The following DIS3L variants were observed in gnomAD, a reference collection of about 807,000 sequenced individuals.
DIS3L encodes the protein DIS3 like exosome 3'-5' exoribonuclease.
Under a neutral mutation model 120.3 loss-of-function variants are expected in DIS3L, and 100 were observed. That is an observed-to-expected ratio of 0.83 (90% confidence interval 0.71 to 0.98). The LOEUF is 0.98. Among genes scored for constraint, DIS3L ranks in the 50% least tolerant of loss-of-function variants. The pLI, the probability that DIS3L is intolerant of heterozygous loss-of-function variation, is 0.00. For missense variants in DIS3L, 1,196 were observed against 1,314.2 expected, an observed-to-expected ratio of 0.91 and a Z score of 1.39; for synonymous variants, 426 against 470.6, an observed-to-expected ratio of 0.91 and a Z score of 1.23.
intron 11 of DIS3L, among the ~76,000 whole-genome samples, chr15:66,325,457 G>C (rs2092925753): frequency 6.6e-6 from 1 of 152,150 alleles, no homozygotes; most frequent in African/African-American, 2.4e-5. Flanking sequence ...TTTCAAATTT[G>C]TTCAGAGCTC....
chr15:66,311,718 A>G lies in DIS3L; in HGVS notation c.559-6A>G. ...CCGTGTTTCTCTGTGCCTTTATTAAATACAGAATTACCTGGACAATTTCTG... is the reference window on the plus strand; with the variant it reads ...CCGTGTTTCTCTGTGCCTTTATTAAGTACAGAATTACCTGGACAATTTCTG... On this transcript the variant is annotated splice_polypyrimidine_tract_variant and splice_region_variant and intron_variant, in intron 4 of 16. Coordinates refer to ENST00000319212, the MANE Select transcript of DIS3L (RefSeq NM_001143688.3). 6.2e-7 allele frequency: 1 copy of G among 1,613,856 alleles called. No homozygotes were observed. The highest frequency in any genetic ancestry group is 8.5e-7 in the Non-Finnish European group (1 of 1,179,924).
chr15:66,305,717 G>T (rs1180281172), intron 2 of DIS3L, among the ~76,000 whole-genome samples: 1 of 152,002 alleles, frequency 6.6e-6, no homozygotes, highest in Non-Finnish European at 1.5e-5. Flanking sequence ...TTTGTGTAAA[G>T]ATGGGGTCTT....
At chr15:66,314,918 G>C in intron 6 of DIS3L, 118 bp from the exon 7 acceptor site, 1 of 1,095,800 alleles carries the variant, frequency 9.1e-7, no homozygotes, top group South Asian at 1.9e-5. Context: ...CCTTTGAAAA[G>C]AAAAAGCTTT....
chr15:66,332,140 T>C, intron 15 of DIS3L, 120 bp downstream of exon 15: 11 of 1,022,272 alleles, frequency 1.1e-5, no homozygotes, highest in Non-Finnish European at 1.5e-5. Context: ...ATGTACATAA[T>C]GTAATGTATA....
At chr15:66,311,971 C>T in intron 5 of DIS3L, 71 bp downstream of exon 5, 1 of 1,554,970 alleles carries the variant, frequency 6.4e-7, no homozygotes, top group Non-Finnish European at 8.8e-7. Flanking sequence ...AGCACTTTGG[C>T]TAAGGCTGAT....
chr15:66,311,279 C>T (rs2092758634), intron 4 of DIS3L, among the ~76,000 whole-genome samples: 1 of 152,002 alleles, frequency 6.6e-6, no homozygotes, highest in African/African-American at 2.4e-5. Context: ...GGGAGGATTG[C>T]TTAAGGCAGG....
intron 2 of DIS3L, among the ~76,000 whole-genome samples, chr15:66,302,320 T>TCG (rs2092656933): frequency 6.6e-6 from 1 of 152,002 alleles, no homozygotes; most frequent in South Asian, 2.1e-4. Flanking sequence ...GGAGCCATGA[T>TCG]CGCGCTGCTG....
intron 6 of DIS3L, among the ~76,000 whole-genome samples, chr15:66,314,464 AT>A (rs1451868420): frequency 2.0e-5 from 3 of 152,184 alleles, no homozygotes; most frequent in Admixed American, 6.6e-5. Flanking sequence ...ATTGGAGTAA[AT>A]TTTTTTTAAG....
At chr15:66,297,694 A>G (rs2092602587) in intron 2 of DIS3L, among the ~76,000 whole-genome samples, 1 of 152,232 alleles carries the variant, frequency 6.6e-6, no homozygotes, top group Non-Finnish European at 1.5e-5. Context: ...ATGCAAGTAA[A>G]TAATTCATTT....
intron 4 of DIS3L, among the ~76,000 whole-genome samples, chr15:66,309,307 C>T (rs932399072): frequency 1.3e-5 from 2 of 151,106 alleles, no homozygotes; most frequent in African/African-American, 4.9e-5. Flanking sequence ...TTGACTTTCA[C>T]AAATTCAGAC....
At chr15:66,312,738 G>A (rs1198691380) in intron 5 of DIS3L, among the ~76,000 whole-genome samples, 1 of 152,096 alleles carries the variant, frequency 6.6e-6, no homozygotes, top group Non-Finnish European at 1.5e-5. Context: ...GCTCTATGCA[G>A]TTTTATCACA....
At position 66,308,764 on chromosome 15, in the gene DIS3L, A is replaced by G. The variant is rs772869840; in HGVS notation, c.478A>G (p.Ile160Val). The change falls in exon 4 of 17, where the codon ATT (isoleucine) becomes GTT (valine). Residue 160 changes from isoleucine (I) to valine (V), a missense_variant. Transcript: ENST00000319212. ...YYHHCQDRMPIVMVTEDEEAI... is the reference protein window; with the variant it reads ...YYHHCQDRMPVVMVTEDEEAI... ...TCATCACTGCCAGGACAGGATGCCA[A>G]TTGTTATGGTGACAGAAGATGAAGA... 2 of 1,613,688 alleles carry G rather than the reference A, an allele frequency of 1.2e-6. No homozygotes were observed. Among genetic ancestry groups the G allele is most frequent in the Non-Finnish European group, 1.7e-6 (2 of 1,179,778 alleles).
rs183151418 is a variant in DIS3L at position 66,309,841 on chromosome 15, T to C, written c.558+997T>C. On this transcript the variant is annotated intron_variant, in intron 4 of 16. Coordinates refer to ENST00000319212, the MANE Select transcript of DIS3L (RefSeq NM_001143688.3). ...ACTTGTGAATGTTCATAGGGGTTAATAGGGATAAATGAAAGGGTTGAGATG... is the reference window on the plus strand; with the variant it reads ...ACTTGTGAATGTTCATAGGGGTTAACAGGGATAAATGAAAGGGTTGAGATG... Among the ~76,000 whole-genome samples the C allele has an allele frequency of 2.3e-3, 345 of 152,330 alleles. 1 individual carries two copies. The highest frequency in any genetic ancestry group is 4.3e-3 in the Non-Finnish European group (290 of 68,028).
At position 66,295,020 on chromosome 15, in the gene DIS3L, T is replaced by TA; in HGVS notation, c.173dup (p.Tyr58Ter). Residue 58 changes from tyrosine (Y) to a stop codon, truncating the protein, a stop_gained and frameshift_variant, in exon 2 of 17, where the codon TAC (tyrosine) becomes TAAC (stop). Transcript: ENST00000319212. LOFTEE classifies it high-confidence loss of function. ...GKLLSSDVTH[Y>*]VIPDWKVVQD... ...ACTCTTGTCTAGTGATGTGACTCAT[T>TA]ACGTGATCCCAGACTGGAAAGTTGT... 1 of 1,614,056 alleles carries TA rather than the reference T, an allele frequency of 6.2e-7. No individual in the cohort carries two copies. The highest frequency in any genetic ancestry group is 8.5e-7 in the Non-Finnish European group (1 of 1,179,942).
intron 2 of DIS3L, among the ~76,000 whole-genome samples, chr15:66,296,595 G>A (rs2092589489): frequency 6.6e-6 from 1 of 151,052 alleles, no homozygotes; most frequent in South Asian, 2.1e-4. Context: ...CGGCTCACAG[G>A]TCACTGCAAC....
At chr15:66,320,227 A>G (rs991261617) in intron 8 of DIS3L, among the ~76,000 whole-genome samples, 4 of 152,162 alleles carry the variant, frequency 2.6e-5, no homozygotes, top group African/African-American at 9.7e-5. Flanking sequence ...TGGAGCATGC[A>G]TAATTGAGTT....
At chr15:66,317,095 T>G (rs1402553327) in intron 7 of DIS3L, among the ~76,000 whole-genome samples, 2 of 152,260 alleles carry the variant, frequency 1.3e-5, no homozygotes, top group African/African-American at 4.8e-5. Context: ...CAAATGTCAC[T>G]TTATTTAAAA....
At position 66,306,856 on chromosome 15, in the gene DIS3L, AT is replaced by A; in HGVS notation, c.327del (p.Asp109GlufsTer55). 6.2e-7 allele frequency: 1 copy of A among 1,614,182 alleles called. No individual in the cohort carries two copies. The highest frequency in any genetic ancestry group is 1.3e-5 in the African/African-American group (1 of 75,054). ...AACAAACTGCGAAACCTGCTGAAGG[AT>A]GCGCGTCATGATTGCATTCTCTTTG... is the stretch of plus-strand genomic sequence containing the variant. The part of the protein sequence containing the change: ...QYNKLRNLLK[D>X]ARHDCILFAN... On this transcript the variant is annotated frameshift_variant, in exon 3 of 17. Transcript: ENST00000319212. LOFTEE classifies it high-confidence loss of function.
chr15:66,316,307 C>CT (rs80217505), intron 7 of DIS3L, among the ~76,000 whole-genome samples: 37,987 of 146,448 alleles, frequency 0.26, 5,343 homozygotes, highest in South Asian at 0.33. Context: ...TTATCCTTGA[C>CT]TTTTTTTTTT....
Sources: allele counts gnomAD v4.1 joint callset (sites outside exome capture counted in the v4.1 genomes callset), GRCh38; gene constraint gnomAD v4.1.1; transcripts MANE v1.5; gene names NCBI Gene and HGNC (gene_info 2026-07-23, HGNC 2026-07-21).